Variants in ADAM2 observed in about 807,000 individuals in gnomAD.
ADAM2 encodes disintegrin and metalloproteinase domain-containing protein 2.
ADAM2 carries 101 observed loss-of-function variants against 99.3 expected under a neutral mutation model. That is an observed-to-expected ratio of 1.02 (90% CI 0.87 to 1.20). ADAM2 has a LOEUF of 1.20. Ranked by LOEUF, ADAM2 falls within the 50% of genes most tolerant of loss-of-function variation. The probability of loss-of-function intolerance (pLI) is 0.00; values close to 1 mark genes in which losing one functional copy is unlikely to be tolerated. For synonymous variants in ADAM2, 323 were observed against 287.6 expected (o/e 1.12, Z -1.25); for missense variants, 948 against 878.7 (o/e 1.08, Z -1.00).
At chr8:39,794,579 C>T (rs925910314) in intron 7 of ADAM2, among the ~76,000 whole-genome samples, 10 of 152,146 alleles carry the variant, frequency 6.6e-5, no homozygotes, top group African/African-American at 2.4e-4. Flanking sequence ...AGATCGACCC[C>T]TGACCTAACT....
At chr8:39,832,457 A>G (rs1563387642) in intron 3 of ADAM2, among the ~76,000 whole-genome samples, 2 of 152,186 alleles carry the variant, frequency 1.3e-5, no homozygotes, top group Non-Finnish European at 1.5e-5. Context: ...ATGCTGTCCC[A>G]TCCCATAATA....
At chr8:39,766,519 A>G (rs1802572445) in intron 14 of ADAM2, among the ~76,000 whole-genome samples, 2 of 150,634 alleles carry the variant, frequency 1.3e-5, no homozygotes. Flanking sequence ...AGCTCACTGG[A>G]ACCTCAGCCT....
chr8:39,770,048 C>A (rs1186288730), intron 11 of ADAM2, among the ~76,000 whole-genome samples: 11 of 149,886 alleles, frequency 7.3e-5, no homozygotes, highest in African/African-American at 2.7e-4. Context: ...CCGGTTCAAG[C>A]AATTCTTCTG....
rs143104856 is a variant in ADAM2 at position 39,778,686 on chromosome 8, A to C, written c.892-1525T>G. ...AAGAAGAAGGAGGAGGACGAGGAGG[A>C]GGAGAAAGAAGAAAGGAATGAAAAG... On this transcript the variant is annotated intron_variant, in intron 10 of 20. Transcript: ENST00000265708. 9.5e-3 allele frequency among the ~76,000 whole-genome samples: 1,449 copies of C among 152,162 alleles called. 19 individuals are homozygous for C. The highest frequency in any genetic ancestry group is 0.033 in the African/African-American group (1,378 of 41,528).
chr8:39,780,634 G>C (rs1803180796), intron 10 of ADAM2, among the ~76,000 whole-genome samples: 2 of 151,962 alleles, frequency 1.3e-5, no homozygotes, highest in African/African-American at 4.8e-5. Context: ...CTGTTTCACT[G>C]TTTGCATTCT....
intron 16 of ADAM2, among the ~76,000 whole-genome samples, chr8:39,755,138 T>C (rs57192846): frequency 0.02 from 3,119 of 152,288 alleles, 114 homozygotes; most frequent in African/African-American, 0.071. Context: ...TGACATTAGA[T>C]GTATTCTCTG....
At chr8:39,812,998 G>A (rs1563374892) in intron 6 of ADAM2, among the ~76,000 whole-genome samples, 1 of 152,070 alleles carries the variant, frequency 6.6e-6, no homozygotes, top group Non-Finnish European at 1.5e-5. Context: ...TAGAATGGGA[G>A]AAAAGTTTTA....
intron 7 of ADAM2, among the ~76,000 whole-genome samples, chr8:39,800,733 C>T (rs1804172391): frequency 6.6e-6 from 1 of 152,018 alleles, no homozygotes; most frequent in South Asian, 2.1e-4. Context: ...CCTTTTCATT[C>T]TTTTCTCTGT....
At chr8:39,794,772 G>A (rs988765670) in intron 7 of ADAM2, among the ~76,000 whole-genome samples, 2 of 151,992 alleles carry the variant, frequency 1.3e-5, no homozygotes, top group Non-Finnish European at 2.9e-5. Flanking sequence ...AAAGGGACAG[G>A]AATTGCTCAC....
chr8:39,799,057 T>G (rs1804096065), intron 7 of ADAM2, among the ~76,000 whole-genome samples: 1 of 152,172 alleles, frequency 6.6e-6, no homozygotes, highest in Non-Finnish European at 1.5e-5. Context: ...TTCTCTGATC[T>G]TAGTTATTTC....
At position 39,746,472 on chromosome 8, in the gene ADAM2, T is replaced by C. The variant is rs764916569; in HGVS notation, c.2174A>G (p.Glu725Gly). The C allele has an allele frequency of 6.4e-7, 1 of 1,554,358 alleles. No homozygotes were observed. Among genetic ancestry groups the C allele is most frequent in the Non-Finnish European group, 8.7e-7 (1 of 1,153,798 alleles). Residue 725 changes from glutamate to glycine, a missense_variant and splice_region_variant, in exon 19 of 21, where the codon GAG becomes GGG. Transcript: ENST00000265708. Reference protein sequence around the residue: ...KWRTEDYSSDEQPESESEPKG With the variant: ...KWRTEDYSSDGQPESESEPKG Reference sequence around the variant, plus strand: ...AATCTTAAATATGAAATCAATATACTCATCGCTTGAATAGTCCTCAGTTCT... The same window carrying C: ...AATCTTAAATATGAAATCAATATACCCATCGCTTGAATAGTCCTCAGTTCT...
At chr8:39,772,022 T>C (rs1802802420) in intron 11 of ADAM2, among the ~76,000 whole-genome samples, 1 of 148,656 alleles carries the variant, frequency 6.7e-6, no homozygotes, top group Non-Finnish European at 1.5e-5. Context: ...GGTGCATGTA[T>C]ACATATGTAA....
chr8:39,806,374 G>A (rs1409924590), intron 7 of ADAM2, among the ~76,000 whole-genome samples: 6 of 151,496 alleles, frequency 4.0e-5, no homozygotes, highest in Admixed American at 2.0e-4. Flanking sequence ...TAGAAACAAC[G>A]ATTTCAAGAT....
chr8:39,767,507 G>A (rs990730861), intron 12 of ADAM2, among the ~76,000 whole-genome samples: 1 of 152,064 alleles, frequency 6.6e-6, no homozygotes, highest in Non-Finnish European at 1.5e-5. Flanking sequence ...GAAGCCCTGG[G>A]GTCCACCATA....
intron 15 of ADAM2, among the ~76,000 whole-genome samples, chr8:39,756,197 T>A (rs1802146526): frequency 6.6e-6 from 1 of 152,198 alleles, no homozygotes; most frequent in Admixed American, 6.5e-5. Flanking sequence ...TATTCCCTAG[T>A]TAGCCTGACA....
intron 7 of ADAM2, among the ~76,000 whole-genome samples, chr8:39,791,552 T>G (rs538817498): frequency 2.2e-4 from 34 of 152,030 alleles, no homozygotes. Flanking sequence ...GCTGGCTCCT[T>G]TAGACTTCTC....
chr8:39,832,861 A>G (rs887879292), intron 3 of ADAM2, among the ~76,000 whole-genome samples: 4 of 152,134 alleles, frequency 2.6e-5, no homozygotes, highest in South Asian at 4.1e-4. Context: ...ATAGTATGTG[A>G]TTCATCCATT....
At chr8:39,793,612 C>A (rs1803809839) in intron 7 of ADAM2, among the ~76,000 whole-genome samples, 2 of 152,028 alleles carry the variant, frequency 1.3e-5, no homozygotes, top group Non-Finnish European at 2.9e-5. Flanking sequence ...CTGATAAGAA[C>A]TCAAAGTCTT....
chr8:39,781,641 T>G (rs1222585406), intron 10 of ADAM2, among the ~76,000 whole-genome samples: 1 of 152,190 alleles, frequency 6.6e-6, no homozygotes. Flanking sequence ...ATAAAATGCC[T>G]CAATATTGTT....
Sources: gnomAD v4.1 joint callset for allele counts (sites outside exome capture counted in the v4.1 genomes callset) on GRCh38, gnomAD v4.1.1 for gene constraint, MANE v1.5 for transcripts, NCBI Gene and HGNC (gene_info 2026-07-23, HGNC 2026-07-21) for gene names.